SLC39A6: variants seen among roughly 807,000 people sequenced by gnomAD.
SLC39A6 encodes zinc transporter ZIP6.
A neutral mutation model predicts 63.5 loss-of-function variants in SLC39A6; 51 were observed. The observed-to-expected ratio is 0.80, with a 90% CI of 0.64 to 1.01. The LOEUF is 1.01. SLC39A6 is among the 50% of genes least tolerant of loss of function. The probability of loss-of-function intolerance (pLI) is 0.00; values close to 1 mark genes in which losing one functional copy is unlikely to be tolerated. For missense variants in SLC39A6, 805 were observed against 927.8 expected, an observed-to-expected ratio of 0.87 and a Z score of 1.72; for synonymous variants, 318 against 324.7, an observed-to-expected ratio of 0.98 and a Z score of 0.22.
chr18:36,116,313 T>C (rs930116908), intron 6 of SLC39A6, among the ~76,000 whole-genome samples: 4 of 152,114 alleles, frequency 2.6e-5, no homozygotes, highest in African/African-American at 9.7e-5. Context: ...AAAAAAAGTG[T>C]GTGTAGCTGG....
At chr18:36,110,879 T>C in intron 9 of SLC39A6, 180 bp downstream of exon 9, 1 of 1,018,316 alleles carries the variant, frequency 9.8e-7, no homozygotes, top group Non-Finnish European at 1.4e-6. Context: ...TAGTCCTAGC[T>C]ACTCAGGAGG....
chr18:36,118,218 T>C (rs1460851948), intron 5 of SLC39A6, among the ~76,000 whole-genome samples: 1 of 152,200 alleles, frequency 6.6e-6, no homozygotes, highest in Non-Finnish European at 1.5e-5. Context: ...AATTCTTTCA[T>C]TCCATAAGTA....
intron 5 of SLC39A6, among the ~76,000 whole-genome samples, chr18:36,118,616 G>T (rs1350103524): frequency 6.6e-6 from 1 of 152,098 alleles, no homozygotes; most frequent in Non-Finnish European, 1.5e-5. Context: ...GGTCAGAGAG[G>T]GTGGCCAGAG....
intron 5 of SLC39A6, among the ~76,000 whole-genome samples, chr18:36,121,427 G>T (rs1210663857): frequency 6.6e-6 from 1 of 152,120 alleles, no homozygotes; most frequent in Non-Finnish European, 1.5e-5. Context: ...AAAGTGCTGG[G>T]ATTACAGGCA....
chr18:36,119,074 A>C (rs778474391), intron 5 of SLC39A6, among the ~76,000 whole-genome samples: 2 of 152,224 alleles, frequency 1.3e-5, no homozygotes, highest in African/African-American at 2.4e-5. Flanking sequence ...TGATATACAG[A>C]ATCTCCCAGG....
Position 36,109,685 on chromosome 18 carries a change from A to G in SLC39A6, c.2176T>C (p.Phe726Leu). The change falls in exon 10 of 10, where the codon TTT becomes CTT. Residue 726 changes from phenylalanine (F) to leucine (L), a missense_variant. Phe to Leu is a conservative substitution (Grantham distance 22, BLOSUM62 0). Around this residue, in one of 4 missense-constraint regions of SLC39A6, gnomAD observed 145 missense variants for 227.2 expected, o/e 0.64. Transcript: ENST00000269187. ...AAAAGCATCCCAGCATTCTGTAAAA[A>G]GAAATACCCCCAGCGGCTACATCCA... is the stretch of plus-strand genomic sequence containing the variant. ...DHGCSRWGYF[F>L]LQNAGMLLGF... 6.2e-7 allele frequency: 1 copy of G among 1,612,980 alleles called. No individual in the cohort carries two copies. The highest frequency in any genetic ancestry group is 8.5e-7 in the Non-Finnish European group (1 of 1,179,058).
Position 36,126,774 on chromosome 18 carries a change from T to A in SLC39A6, c.234A>T (p.Leu78Phe). The change falls in exon 2 of 10, where the codon TTA becomes TTT. Residue 78 changes from leucine to phenylalanine, a missense_variant. Physicochemically the swap from Leu to Phe is conservative, Grantham distance 22 (BLOSUM62 0). Around this residue, in one of 4 missense-constraint regions of SLC39A6, gnomAD observed 639 missense variants for 644.0 expected, o/e 0.99. Coordinates refer to ENST00000269187, the MANE Select transcript of SLC39A6 (RefSeq NM_012319.4). ...TCTTATCTATGCCTATATTTTGAAG[T>A]AATTTTCTGAACCCTTCAACTGACA... ...NSLSVEGFRK[L>F]LQNIGIDKIK... 6.2e-7 allele frequency: 1 copy of A among 1,614,226 alleles called. No homozygotes were observed. Among genetic ancestry groups the A allele is most frequent in the East Asian group, 2.2e-5 (1 of 44,896 alleles).
chr18:36,124,799 G>A (rs752547322), intron 2 of SLC39A6, 99 bp from the exon 3 acceptor site: 7 of 965,988 alleles, frequency 7.2e-6, no homozygotes, highest in East Asian at 5.2e-5. Flanking sequence ...TCGTTTTCTC[G>A]AGTTAATGAA....
At chr18:36,127,636 A>G (rs577736578) in intron 1 of SLC39A6, among the ~76,000 whole-genome samples, 2 of 152,158 alleles carry the variant, frequency 1.3e-5, no homozygotes, top group Non-Finnish European at 2.9e-5. Flanking sequence ...ATTTTAAACT[A>G]ATACACTCTC....
Position 36,109,558 on chromosome 18 carries a change from C to A in SLC39A6, c.*35G>T, listed in dbSNP as rs1471147302. ...TCCCTATGACCTACTGAAACTATGA[C>A]AACTTTTTAAGCTACTCTAGCATTT... On this transcript the variant is annotated 3_prime_UTR_variant, in exon 10 of 10. Transcript: ENST00000269187. 1.9e-6 allele frequency: 3 copies of A among 1,558,286 alleles called. No individual in the cohort carries two copies.
Position 36,123,755 on chromosome 18 carries a change from G to A in SLC39A6, c.971-91C>T, listed in dbSNP as rs991277262. The A allele has an allele frequency of 1.4e-5, 18 of 1,263,692 alleles. No individual in the cohort carries two copies. The Admixed American group carries it at 2.6e-4, about 18-fold the overall frequency. The allele number at this position is 1,263,692 out of a possible 1,614,324, so 78.3% of individuals were successfully genotyped here. ...TTTGGAGAGTAGCATAAAGCAACACGTAAAAGGAGAGAAGCTAAAAACACA... is the reference window on the plus strand; with the variant it reads ...TTTGGAGAGTAGCATAAAGCAACACATAAAAGGAGAGAAGCTAAAAACACA... On this transcript the variant is annotated intron_variant, in intron 3 of 9. Coordinates refer to ENST00000269187, the MANE Select transcript of SLC39A6 (RefSeq NM_012319.4).
At chr18:36,116,221 G>C (rs1174035511) in intron 6 of SLC39A6, among the ~76,000 whole-genome samples, 1 of 152,134 alleles carries the variant, frequency 6.6e-6, no homozygotes, top group African/African-American at 2.4e-5. Flanking sequence ...GGTTATATGA[G>C]AGAATGTCCA....
At chr18:36,123,453 G>A in intron 4 of SLC39A6, 42 bp downstream of exon 4, 2 of 1,477,604 alleles carry the variant, frequency 1.4e-6, no homozygotes, top group Non-Finnish European at 9.0e-7. Flanking sequence ...TTTTTTCAAT[G>A]TTGAATAATC....
chr18:36,115,350 G>A (rs192036727), intron 6 of SLC39A6, among the ~76,000 whole-genome samples: 135 of 152,020 alleles, frequency 8.9e-4, no homozygotes, highest in African/African-American at 3.1e-3. Flanking sequence ...GCTGAGGCAG[G>A]AGAATGGCGT....
At chr18:36,123,781 C>A (rs2089413329) in intron 3 of SLC39A6, 117 bp from the exon 4 acceptor site, 8 of 998,734 alleles carry the variant, frequency 8.0e-6, no homozygotes, top group Non-Finnish European at 1.2e-5. Flanking sequence ...TAAAAACACA[C>A]AAATTCAATG....
Position 36,111,186 on chromosome 18 carries a change from A to G in SLC39A6, c.1988T>C (p.Leu663Ser). The G allele has an allele frequency of 3.7e-6, 6 of 1,614,020 alleles. No individual in the cohort carries two copies. The highest frequency in any genetic ancestry group is 4.2e-6 in the Non-Finnish European group (5 of 1,179,836). ...TVKQAVLYNA[L>S]SAMLAYLGMA... Reference sequence around the variant, plus strand: ...TCCAAGATACGCCAGCATGGCTGACAATGCATTATAAAGGACAGCCTGCTT... The same window carrying G: ...TCCAAGATACGCCAGCATGGCTGACGATGCATTATAAAGGACAGCCTGCTT... The change falls in exon 9 of 10, where the codon TTG becomes TCG. Residue 663 changes from leucine to serine, a missense_variant. Physicochemically the swap from Leu to Ser is moderately radical, Grantham distance 145 (BLOSUM62 -2). Coordinates refer to ENST00000269187, the MANE Select transcript of SLC39A6 (RefSeq NM_012319.4).
At chr18:36,111,354 G>A in intron 8 of SLC39A6, 105 bp from the exon 9 acceptor site, 2 of 1,095,234 alleles carry the variant, frequency 1.8e-6, no homozygotes, top group Non-Finnish European at 1.3e-6. Flanking sequence ...GTGTTTTTGA[G>A]AGGGGGAAAA....
intron 5 of SLC39A6, among the ~76,000 whole-genome samples, chr18:36,119,519 A>G (rs1278547001): frequency 6.6e-6 from 1 of 152,188 alleles, no homozygotes; most frequent in Non-Finnish European, 1.5e-5. Flanking sequence ...ACTATGACCC[A>G]CATTAATATA....
In SLC39A6 at chr18:36,123,584, G is replaced by A. The variant is rs201544076; in HGVS notation, c.1051C>T (p.Arg351Trp). The A allele has an allele frequency of 3.1e-6, 5 of 1,613,474 alleles. No individual in the cohort carries two copies. The highest frequency in any genetic ancestry group is 2.5e-6 in the Non-Finnish European group (3 of 1,179,898). Residue 351 changes from arginine to tryptophan, a missense_variant, in exon 4 of 10, where the codon CGG (arginine) becomes TGG (tryptophan). This residue lies in a region of SLC39A6 where 639 missense variants were observed against 644.0 expected (regional missense o/e 0.99). Transcript: ENST00000269187. ...CTCAGGAGAAATTTGAAAAACACCC[G>A]ATTCATGAGAGGCACTAAGATAACC... ...LGVILVPLMN[R>W]VFFKFLLSFL... is the part of the protein sequence containing the mutation.
Sources: gnomAD v4.1 joint callset for allele counts (sites outside exome capture counted in the v4.1 genomes callset) on GRCh38, gnomAD v4.1.1 for gene constraint, gnomAD v4.1.1 regional missense constraint, MANE v1.5 for transcripts, NCBI Gene and HGNC (gene_info 2026-07-23, HGNC 2026-07-21) for gene names.